The following SGCD variants were observed in gnomAD, a reference collection of about 807,000 sequenced individuals.
SGCD encodes the protein delta-sarcoglycan.
Under a neutral mutation model 36.6 loss-of-function variants are expected in SGCD, and 18 were observed. The ratio of observed to expected loss-of-function variants is 0.49; its 90% CI spans 0.34 to 0.73. The LOEUF is 0.73. Among genes scored for constraint, SGCD ranks in the 30% least tolerant of loss-of-function variants. The probability of loss-of-function intolerance (pLI) is 0.01; values close to 1 mark genes in which losing one functional copy is unlikely to be tolerated. For missense variants in SGCD, 387 were observed against 346.7 expected, an observed-to-expected ratio of 1.12 and a Z score of -0.92; for synonymous variants, 133 against 130.6, an observed-to-expected ratio of 1.02 and a Z score of -0.12.
chr5:156,436,350 G>A (rs1470271217), intron 3 of SGCD, among the ~76,000 whole-genome samples: 2 of 152,184 alleles, frequency 1.3e-5, no homozygotes, highest in African/African-American at 2.4e-5. Flanking sequence ...TGTATTTGTT[G>A]AATGAATAAA....
chr5:156,175,623 A>G (rs1378588385), intron 3 of SGCD, among the ~76,000 whole-genome samples: 1 of 152,222 alleles, frequency 6.6e-6, no homozygotes, highest in East Asian at 1.9e-4. Context: ...ATAAAATACA[A>G]TAAGGAGTTT....
At chr5:156,420,082 C>CA (rs1773232163) in intron 3 of SGCD, among the ~76,000 whole-genome samples, 1 of 152,098 alleles carries the variant, frequency 6.6e-6, no homozygotes, top group Non-Finnish European at 1.5e-5. Flanking sequence ...TTAGTTTTCT[C>CA]AACCTCTGGC....
the SGCD span, among the ~76,000 whole-genome samples, chr5:155,838,848 T>C: frequency 6.6e-6 from 1 of 151,756 alleles, no homozygotes; most frequent in African/African-American, 2.4e-5. Flanking sequence ...CATAAAAATG[T>C]GCTATTTATG....
intron 3 of SGCD, among the ~76,000 whole-genome samples, chr5:156,412,427 A>G (rs192488449): frequency 6.6e-6 from 1 of 152,366 alleles, no homozygotes; most frequent in African/African-American, 2.4e-5. Flanking sequence ...AGAAATAGCA[A>G]TGGAGGGTAG....
chr5:156,739,466 G>A (rs1429739252), intron 7 of SGCD, among the ~76,000 whole-genome samples: 1 of 152,108 alleles, frequency 6.6e-6, no homozygotes, highest in Non-Finnish European at 1.5e-5. Context: ...TGCGTCCAGT[G>A]GCATGAAGGA....
At chr5:155,930,119 C>A (rs1298252797) in intron 1 of SGCD, among the ~76,000 whole-genome samples, 1 of 152,124 alleles carries the variant, frequency 6.6e-6, no homozygotes, top group African/African-American at 2.4e-5. Context: ...AACTCTCCAC[C>A]CCTCTTGCCA....
At chr5:155,980,357 G>C (rs754808167) in intron 1 of SGCD, among the ~76,000 whole-genome samples, 1 of 151,698 alleles carries the variant, frequency 6.6e-6, no homozygotes, top group Admixed American at 6.6e-5. Flanking sequence ...AGGCCTAGGC[G>C]GGCGGATCAT....
the SGCD span, among the ~76,000 whole-genome samples, chr5:155,744,146 A>G: frequency 7.2e-5 from 11 of 152,206 alleles, no homozygotes; most frequent in African/African-American, 2.7e-4. Context: ...ATCAGAGAAT[A>G]TGAAATTACT....
At chr5:156,075,211 G>A (rs955995399) in intron 1 of SGCD, among the ~76,000 whole-genome samples, 7 of 151,000 alleles carry the variant, frequency 4.6e-5, no homozygotes, top group Admixed American at 6.6e-5. Flanking sequence ...AATGCAGAAA[G>A]TGAATTAGAA....
At chr5:155,872,162 G>A (rs1755667458) in intron 1 of SGCD, among the ~76,000 whole-genome samples, 1 of 152,130 alleles carries the variant, frequency 6.6e-6, no homozygotes, top group African/African-American at 2.4e-5. Context: ...GAGAAGAAGA[G>A]GAAATTAATG....
the SGCD span, among the ~76,000 whole-genome samples, chr5:155,827,174 GA>G: frequency 3.9e-5 from 6 of 152,236 alleles, no homozygotes; most frequent in East Asian, 1.2e-3. Flanking sequence ...TTTAGAGCCA[GA>G]AATACCTAAC....
At chr5:155,828,249 A>G in the SGCD span, among the ~76,000 whole-genome samples, 2 of 152,236 alleles carry the variant, frequency 1.3e-5, no homozygotes, top group South Asian at 2.1e-4. Context: ...TCACCCTCAC[A>G]ATAATGCCAC....
intron 3 of SGCD, among the ~76,000 whole-genome samples, chr5:156,408,767 G>A (rs993823578): frequency 1.3e-5 from 2 of 152,234 alleles, no homozygotes; most frequent in Middle Eastern, 6.8e-3. Context: ...CATTCCCGAG[G>A]ATATTTTGCC....
chr5:156,267,092 C>T (rs764388109), intron 3 of SGCD, among the ~76,000 whole-genome samples: 18 of 152,162 alleles, frequency 1.2e-4, no homozygotes, highest in Non-Finnish European at 2.4e-4. Flanking sequence ...TGAACTCTCT[C>T]AGACTCCACT....
At chr5:156,431,915 C>T (rs1006327052) in intron 3 of SGCD, among the ~76,000 whole-genome samples, 5 of 152,060 alleles carry the variant, frequency 3.3e-5, no homozygotes, top group Non-Finnish European at 7.4e-5. Context: ...GGGGTTTCAC[C>T]ATGTTGGCCA....
intron 7 of SGCD, among the ~76,000 whole-genome samples, chr5:156,756,284 C>T (rs866506701): frequency 1.7e-4 from 26 of 152,280 alleles, no homozygotes; most frequent in Middle Eastern, 6.8e-3. Context: ...TGATGGTTCA[C>T]GCTTGTAATC....
At chr5:155,971,152 A>G (rs769591880) in intron 1 of SGCD, among the ~76,000 whole-genome samples, 41 of 152,312 alleles carry the variant, frequency 2.7e-4, no homozygotes, top group Non-Finnish European at 4.6e-4. Flanking sequence ...GCTACAAGGA[A>G]GGAAGACTGA....
At chr5:156,367,773 G>A (rs111280155) in intron 3 of SGCD, among the ~76,000 whole-genome samples, 410 of 152,300 alleles carry the variant, frequency 2.7e-3, no homozygotes, top group African/African-American at 9.4e-3. Flanking sequence ...TGATGACTAT[G>A]CCTGCTGCTT....
chr5:156,409,504 C>T (rs1018944501), intron 3 of SGCD, among the ~76,000 whole-genome samples: 5 of 152,164 alleles, frequency 3.3e-5, no homozygotes, highest in East Asian at 1.9e-4. Context: ...TCCCCGGGCC[C>T]GGCTGGGCCC....
Sources: gnomAD v4.1 joint callset for allele counts (sites outside exome capture counted in the v4.1 genomes callset) on GRCh38, gnomAD v4.1.1 for gene constraint, MANE v1.5 for transcripts, NCBI Gene and HGNC (gene_info 2026-07-23, HGNC 2026-07-21) for gene names.